Variants in PKNOX2 observed in about 807,000 individuals in gnomAD.
PKNOX2 encodes the protein PBX/knotted 1 homeobox 2, also known as homeobox protein PKNOX2.
In PKNOX2, 14 loss-of-function variants were observed where a neutral mutation model predicts 53.1. That is an observed-to-expected ratio of 0.26 (90% CI 0.17 to 0.41). The LOEUF is 0.41. Ranked by LOEUF, PKNOX2 falls within the 10% of genes least tolerant of loss-of-function variation. PKNOX2 has a pLI of 1.00. For synonymous variants in PKNOX2, 257 were observed against 242.8 expected (o/e 1.06, Z -0.54); for missense variants, 496 against 602.8 (o/e 0.82, Z 1.85).
chr11:125,407,454 A>C (rs1955176839), intron 7 of PKNOX2, among the ~76,000 whole-genome samples: 1 of 152,190 alleles, frequency 6.6e-6, no homozygotes, highest in Non-Finnish European at 1.5e-5. Context: ...TTTGGGGGTG[A>C]AGAAAGTCTA....
At position 125,431,432 on chromosome 11, in the gene PKNOX2, GAGTGTCGCCGGGAGGCCTTCAGGGT is replaced by G; in HGVS notation, c.*41_*65del. ...TGGCACTGATCACTGAGCAGGAGAG[GAGTGTCGCCGGGAGGCCTTCAGGGT>G]GGGGGGGAAGGGGACATGGGCAGGA... On this transcript the variant is annotated 3_prime_UTR_variant, in exon 13 of 13. Transcript: ENST00000298282. 7.5e-7 allele frequency: 1 copy of G among 1,330,178 alleles called. No homozygotes were observed. Among genetic ancestry groups the G allele is most frequent in the Non-Finnish European group, 1.0e-6 (1 of 999,708 alleles). 82.4% of individuals were successfully genotyped at this position (1,330,178 alleles called of 1,614,324 possible). A position where few individuals can be genotyped will look rare whatever the true frequency, so the allele number is the denominator to read the frequency against.
At chr11:125,219,279 C>CAA (rs112932692) in intron 1 of PKNOX2, among the ~76,000 whole-genome samples, 307 of 150,590 alleles carry the variant, frequency 2.0e-3, no homozygotes, top group Middle Eastern at 3.4e-3. Flanking sequence ...ACTAATAATA[C>CAA]AAAAAAAAAT....
intron 7 of PKNOX2, among the ~76,000 whole-genome samples, chr11:125,399,132 C>T (rs1248969504): frequency 6.6e-6 from 1 of 152,276 alleles, no homozygotes; most frequent in Non-Finnish European, 1.5e-5. Context: ...CTCGGTATCA[C>T]ATCCAACCCA....
chr11:125,167,866 T>A (rs1211159357), intron 1 of PKNOX2, among the ~76,000 whole-genome samples: 5 of 152,188 alleles, frequency 3.3e-5, no homozygotes, highest in African/African-American at 4.8e-5. Flanking sequence ...GGGTGCCATG[T>A]GACAATGAGA....
intron 4 of PKNOX2, among the ~76,000 whole-genome samples, chr11:125,354,881 T>C (rs1951518654): frequency 6.6e-6 from 1 of 152,210 alleles, no homozygotes; most frequent in South Asian, 2.1e-4. Context: ...CTTAGTTCTG[T>C]TGCAGTCCAT....
rs1359837147 is a variant in PKNOX2 at position 125,222,601 on chromosome 11, G to GTC, written c.-200-12443_-200-12442insCT. Among the ~76,000 whole-genome samples, 116 of 130,668 alleles carry GTC rather than the reference G, an allele frequency of 8.9e-4. 1 individual carries two copies. The highest frequency in any genetic ancestry group is 3.3e-3 in the African/African-American group (115 of 35,250). The allele number at this position is 130,668 out of a possible 152,430, so 85.7% of individuals were successfully genotyped here. On this transcript the variant is annotated intron_variant, in intron 1 of 12. Coordinates refer to ENST00000298282, the MANE Select transcript of PKNOX2 (RefSeq NM_001382323.2). ...AGGTGCTCCTGGTGTGTGTGTGTGT[G>GTC]TGTCTGTGTGTATGTGTGTGTATGT... is the stretch of plus-strand genomic sequence containing the variant.
intron 4 of PKNOX2, among the ~76,000 whole-genome samples, chr11:125,365,032 T>A (rs1952114881): frequency 6.6e-6 from 1 of 152,096 alleles, no homozygotes; most frequent in African/African-American, 2.4e-5. Flanking sequence ...ATTTAGGTTG[T>A]CTCCTTGTTA....
intron 9 of PKNOX2, chr11:125,411,503 T>TCTCTCTCTCTCTCC (rs1565519900): frequency 9.1e-6 from 4 of 440,530 alleles, no homozygotes; most frequent in African/African-American, 6.9e-5. Flanking sequence ...TCTCTCTCTC[T>TCTCTCTCTCTCTCC]CTCTCTCCCC....
intron 2 of PKNOX2, among the ~76,000 whole-genome samples, chr11:125,316,362 A>G (rs1388605730): frequency 3.3e-5 from 5 of 152,214 alleles, no homozygotes; most frequent in Non-Finnish European, 2.9e-5. Context: ...GAAGAAGCTG[A>G]AAGTGCAGGA....
At chr11:125,402,555 T>C (rs565149013) in intron 7 of PKNOX2, among the ~76,000 whole-genome samples, 1 of 152,294 alleles carries the variant, frequency 6.6e-6, no homozygotes, top group East Asian at 1.9e-4. Flanking sequence ...TGTTCTGTGC[T>C]AGGTCCTGTG....
intron 2 of PKNOX2, among the ~76,000 whole-genome samples, chr11:125,245,075 C>T (rs58549225): frequency 0.22 from 33,307 of 152,026 alleles, 3,944 homozygotes; most frequent in East Asian, 0.47. Context: ...AAAAGTGTAT[C>T]AAGTGACCCA....
At chr11:125,410,363 C>G (rs1955430847) in intron 8 of PKNOX2, 38 bp downstream of exon 8, 26 of 1,611,202 alleles carry the variant, frequency 1.6e-5, no homozygotes, top group Non-Finnish European at 2.2e-5. Context: ...TGTGGGAATT[C>G]CCTGGGAGGA....
intron 1 of PKNOX2, among the ~76,000 whole-genome samples, chr11:125,216,950 T>C (rs1402224210): frequency 2.0e-5 from 3 of 152,072 alleles, no homozygotes; most frequent in African/African-American, 4.8e-5. Flanking sequence ...GGCCAGGATG[T>C]GCATGTGCGT....
chr11:125,252,994 C>G (rs1944122524), intron 2 of PKNOX2, among the ~76,000 whole-genome samples: 1 of 152,318 alleles, frequency 6.6e-6, no homozygotes, highest in East Asian at 1.9e-4. Flanking sequence ...CAGCAGCTCC[C>G]AGGGTCAAAG....
chr11:125,277,237 A>C (rs1400637423), intron 2 of PKNOX2, among the ~76,000 whole-genome samples: 4 of 152,212 alleles, frequency 2.6e-5, no homozygotes, highest in Non-Finnish European at 5.9e-5. Flanking sequence ...TGCCAATCAC[A>C]GTGGGAAGAA....
chr11:125,354,704 C>T (rs11606132), intron 4 of PKNOX2, among the ~76,000 whole-genome samples: 3 of 151,966 alleles, frequency 2.0e-5, no homozygotes, highest in East Asian at 1.9e-4. Context: ...TTTTTCAAGG[C>T]GAGTTCTTAA....
rs1416339191 is a variant in PKNOX2, at chr11:125,431,123, CCAG to C, written c.1193-38_1193-36del. 3 of 1,595,106 alleles carry C rather than the reference CCAG, an allele frequency of 1.9e-6. No individual in the cohort carries two copies. In the East Asian group the frequency reaches 6.7e-5, roughly 36 times the overall value. On this transcript the variant is annotated intron_variant, in intron 12 of 12. Transcript: ENST00000298282. ...TCCAACACAGAGGTGCTGGCCCTGACCAGCAGCCCCTGCCTCGTCCTGACCCTT... is the reference window on the plus strand; with the variant it reads ...TCCAACACAGAGGTGCTGGCCCTGACCAGCCCCTGCCTCGTCCTGACCCTT...
At chr11:125,230,188 G>A (rs1289772018) in intron 1 of PKNOX2, among the ~76,000 whole-genome samples, 5 of 152,194 alleles carry the variant, frequency 3.3e-5, no homozygotes, top group Admixed American at 6.5e-5. Flanking sequence ...AGGCCCAGTG[G>A]GCTTTGAGGA....
chr11:125,222,217 G>A (rs770555989), intron 1 of PKNOX2, among the ~76,000 whole-genome samples: 4 of 152,182 alleles, frequency 2.6e-5, no homozygotes, highest in Non-Finnish European at 4.4e-5. Context: ...ACAGTGATGG[G>A]TCTTTCCTCA....
Sources: gnomAD v4.1 joint callset for allele counts (sites outside exome capture counted in the v4.1 genomes callset) on GRCh38, gnomAD v4.1.1 for gene constraint, MANE v1.5 for transcripts, NCBI Gene and HGNC (gene_info 2026-07-23, HGNC 2026-07-21) for gene names.